The following RBM20 variants were observed in gnomAD, a reference collection of about 807,000 sequenced individuals.
RBM20 encodes RNA binding motif protein 20.
In RBM20, 51 loss-of-function variants were observed where a neutral mutation model predicts 110.1. The observed-to-expected ratio is 0.46, with a 90% CI of 0.37 to 0.59. The LOEUF (loss-of-function observed/expected upper bound fraction) is 0.59, where lower values mean the gene tolerates loss of function less well. Among genes scored for constraint, RBM20 ranks in the 20% least tolerant of loss-of-function variants. The probability of loss-of-function intolerance (pLI) is 0.00; values close to 1 mark genes in which losing one functional copy is unlikely to be tolerated. For synonymous variants in RBM20, 589 were observed against 618.2 expected (o/e 0.95, Z 0.70); for missense variants, 1,512 against 1,574.9 (o/e 0.96, Z 0.68).
chr10:110,698,611 G>T (rs1306981078), intron 1 of RBM20, among the ~76,000 whole-genome samples: 1 of 152,186 alleles, frequency 6.6e-6, no homozygotes, highest in Non-Finnish European at 1.5e-5. Context: ...GGGGTGGCAG[G>T]TTCATTGAAG....
chr10:110,789,858 AAC>A (rs1844462955), intron 5 of RBM20, among the ~76,000 whole-genome samples: 1 of 152,106 alleles, frequency 6.6e-6, no homozygotes, highest in Non-Finnish European at 1.5e-5. Flanking sequence ...AGTCGTCATA[AAC>A]AGAGTAATCA....
At chr10:110,734,045 T>C (rs1358767697) in intron 1 of RBM20, among the ~76,000 whole-genome samples, 4 of 152,160 alleles carry the variant, frequency 2.6e-5, no homozygotes, top group Non-Finnish European at 4.4e-5. Context: ...AATCAACCCC[T>C]CCCTTCCATT....
At chr10:110,709,163 A>G (rs1210509371) in intron 1 of RBM20, among the ~76,000 whole-genome samples, 2 of 152,170 alleles carry the variant, frequency 1.3e-5, no homozygotes, top group East Asian at 1.9e-4. Context: ...GTCAGGTTCA[A>G]TGTGAGACAA....
intron 1 of RBM20, among the ~76,000 whole-genome samples, chr10:110,767,985 C>T (rs946007339): frequency 2.7e-4 from 41 of 152,250 alleles, no homozygotes; most frequent in African/African-American, 9.6e-4. Context: ...CCCTGCACCT[C>T]GGTAGGCCGA....
chr10:110,791,095 A>C (rs1232346533), intron 5 of RBM20, among the ~76,000 whole-genome samples: 1 of 152,240 alleles, frequency 6.6e-6, no homozygotes, highest in Non-Finnish European at 1.5e-5. Context: ...AGCATCAATA[A>C]AGGCAACTGT....
chr10:110,805,884 A>T lies in RBM20; in HGVS notation c.1801-4499A>T, dbSNP rs186604255. ...TCATCACAGAATGGATGTAAAGATA[A>T]CAATGTCTGACGTTTGCTTCAAAAT... On this transcript the variant is annotated intron_variant, in intron 7 of 13. Coordinates refer to ENST00000369519, the MANE Select transcript of RBM20 (RefSeq NM_001134363.3). Among the ~76,000 whole-genome samples the T allele has an allele frequency of 2.2e-3, 335 of 152,346 alleles. 2 individuals are homozygous for T. The highest frequency in any genetic ancestry group is 3.8e-3 in the Admixed American group (58 of 15,308).
chr10:110,663,404 T>G (rs1043886360), intron 1 of RBM20, among the ~76,000 whole-genome samples: 1 of 152,222 alleles, frequency 6.6e-6, no homozygotes, highest in African/African-American at 2.4e-5. Context: ...GGCGTACTAT[T>G]AAATGAAAAA....
intron 7 of RBM20, among the ~76,000 whole-genome samples, chr10:110,809,303 T>C (rs1344680111): frequency 1.3e-5 from 2 of 150,002 alleles, no homozygotes; most frequent in Non-Finnish European, 3.0e-5. Context: ...ATAAAACTCA[T>C]TATCAAAAGT....
chr10:110,801,470 C>T (rs1431791009), intron 7 of RBM20, among the ~76,000 whole-genome samples: 1 of 151,814 alleles, frequency 6.6e-6, no homozygotes, highest in African/African-American at 2.4e-5. Flanking sequence ...TTCTTGCTAA[C>T]ACATTGTCTT....
intron 7 of RBM20, among the ~76,000 whole-genome samples, chr10:110,805,214 C>T (rs1844679506): frequency 6.6e-6 from 1 of 152,138 alleles, no homozygotes; most frequent in Admixed American, 6.5e-5. Flanking sequence ...CCAGAAGTTC[C>T]ATGGCAAAAG....
At chr10:110,824,187 T>G (rs1844953101) in intron 12 of RBM20, among the ~76,000 whole-genome samples, 1 of 152,206 alleles carries the variant, frequency 6.6e-6, no homozygotes, top group South Asian at 2.1e-4. Context: ...GTCCTGTTTT[T>G]CCTGTCAGGG....
intron 5 of RBM20, among the ~76,000 whole-genome samples, chr10:110,794,181 T>C (rs190290350): frequency 2.9e-4 from 44 of 152,300 alleles, no homozygotes; most frequent in Admixed American, 3.9e-4. Context: ...TTATGTAAAG[T>C]GTAATGAGAA....
intron 1 of RBM20, among the ~76,000 whole-genome samples, chr10:110,673,418 G>A: frequency 6.6e-6 from 1 of 152,016 alleles, no homozygotes; most frequent in South Asian, 2.1e-4. Flanking sequence ...CACTATGTTG[G>A]CCAGGCTGGT....
chr10:110,769,482 T>C (rs774200070), intron 1 of RBM20, among the ~76,000 whole-genome samples: 1 of 152,150 alleles, frequency 6.6e-6, no homozygotes, highest in Non-Finnish European at 1.5e-5. Flanking sequence ...CAACCATCTA[T>C]GTTACCTAAG....
chr10:110,720,654 C>A (rs1843494199), intron 1 of RBM20, among the ~76,000 whole-genome samples: 1 of 88,568 alleles, frequency 1.1e-5, no homozygotes, highest in South Asian at 3.6e-4. Context: ...CCTGCCCCTG[C>A]AGCCTGATCT....
At chr10:110,714,429 A>C (rs1862985941) in intron 1 of RBM20, among the ~76,000 whole-genome samples, 1 of 152,180 alleles carries the variant, frequency 6.6e-6, no homozygotes, top group Non-Finnish European at 1.5e-5. Flanking sequence ...TGAGCTGACC[A>C]CCTGACCATC....
chr10:110,665,995 AAGAGAGAG>A (rs56329688), intron 1 of RBM20, among the ~76,000 whole-genome samples: 1 of 145,372 alleles, frequency 6.9e-6, no homozygotes, highest in Non-Finnish European at 1.5e-5. Context: ...CAAAGAAAGA[AAGAGAGAG>A]AGAGAGAGAG....
intron 1 of RBM20, among the ~76,000 whole-genome samples, chr10:110,767,330 CG>C (rs1844112309): frequency 7.3e-6 from 1 of 136,946 alleles, no homozygotes; most frequent in Non-Finnish European, 1.6e-5. Context: ...GGCGGCTAGC[CG>C]GGTGGGGGGC....
chr10:110,663,482 C>T (rs1193196384), intron 1 of RBM20, among the ~76,000 whole-genome samples: 2 of 152,110 alleles, frequency 1.3e-5, no homozygotes, highest in Non-Finnish European at 2.9e-5. Flanking sequence ...CTTGCTTATA[C>T]TTTTTTAAAA....
Sources: allele counts gnomAD v4.1 joint callset (sites outside exome capture counted in the v4.1 genomes callset), GRCh38; gene constraint gnomAD v4.1.1; transcripts MANE v1.5; gene names NCBI Gene and HGNC (gene_info 2026-07-23, HGNC 2026-07-21).